RRP15: variants seen among roughly 807,000 people sequenced by gnomAD.
RRP15 encodes ribosomal RNA processing 15 homolog.
In RRP15, 18 loss-of-function variants were observed where a neutral mutation model predicts 27.1. That is an observed-to-expected ratio of 0.66 (90% confidence interval 0.46 to 0.98). The LOEUF is 0.98. Among genes scored for constraint, RRP15 ranks in the 50% least tolerant of loss-of-function variants. RRP15 has a pLI of 0.00. For synonymous variants in RRP15, 107 were observed against 109.4 expected (o/e 0.98, Z 0.14); for missense variants, 359 against 337.8 (o/e 1.06, Z -0.49).
intron 1 of RRP15, among the ~76,000 whole-genome samples, chr1:218,297,437 G>A (rs1655738487): frequency 6.6e-6 from 1 of 152,102 alleles, no homozygotes; most frequent in Non-Finnish European, 1.5e-5. Flanking sequence ...GCTTACTAAG[G>A]GGTAGGCACT....
At chr1:218,310,336 T>C (rs11118076) in intron 4 of RRP15, among the ~76,000 whole-genome samples, 4,467 of 151,464 alleles carry the variant, frequency 0.029, 88 homozygotes, top group East Asian at 0.073. Flanking sequence ...CACCCACATA[T>C]AAACTAGATT....
At chr1:218,304,504 G>A (rs892930740) in intron 2 of RRP15, among the ~76,000 whole-genome samples, 26 of 152,192 alleles carry the variant, frequency 1.7e-4, no homozygotes, top group African/African-American at 5.3e-4. Flanking sequence ...GATATGCTAC[G>A]AGAGGAGAAA....
At chr1:218,312,735 C>T (rs1476322015) in intron 4 of RRP15, among the ~76,000 whole-genome samples, 2 of 152,026 alleles carry the variant, frequency 1.3e-5, no homozygotes, top group Non-Finnish European at 1.5e-5. Flanking sequence ...AAATGTGACT[C>T]AGGAGGAAAG....
At chr1:218,307,681 A>C (rs1335706561) in intron 4 of RRP15, 49 bp downstream of exon 4, 1 of 1,271,524 alleles carries the variant, frequency 7.9e-7, no homozygotes, top group Non-Finnish European at 1.1e-6. Context: ...CAGCTCTAAA[A>C]CTAGTCTTGA....
intron 4 of RRP15, among the ~76,000 whole-genome samples, chr1:218,328,525 T>C (rs1656312210): frequency 1.3e-5 from 2 of 152,054 alleles, no homozygotes; most frequent in Non-Finnish European, 2.9e-5. Flanking sequence ...AAGCCAGGCA[T>C]GGTGGCAGGT....
intron 1 of RRP15, among the ~76,000 whole-genome samples, chr1:218,287,216 A>G (rs1655563135): frequency 6.6e-6 from 1 of 150,750 alleles, no homozygotes; most frequent in African/African-American, 2.4e-5. Context: ...CCTAGGTTCA[A>G]GTGATCCACC....
intron 4 of RRP15, among the ~76,000 whole-genome samples, chr1:218,326,744 A>G (rs931315807): frequency 2.0e-5 from 3 of 152,160 alleles, no homozygotes; most frequent in Non-Finnish European, 2.9e-5. Context: ...TGTGTGTGTA[A>G]CTTAATCCCA....
chr1:218,329,525 A>G (rs1346005011), intron 4 of RRP15, among the ~76,000 whole-genome samples: 1 of 152,228 alleles, frequency 6.6e-6, no homozygotes, highest in Non-Finnish European at 1.5e-5. Flanking sequence ...AATATACTCC[A>G]GTTATCTTCC....
chr1:218,309,103 C>CT (rs1474449645), intron 4 of RRP15, among the ~76,000 whole-genome samples: 2 of 152,146 alleles, frequency 1.3e-5, no homozygotes, highest in Non-Finnish European at 2.9e-5. Flanking sequence ...CCTTGACTTT[C>CT]TTTTTTTCTA....
chr1:218,307,147 G>A (rs576186751), intron 3 of RRP15, among the ~76,000 whole-genome samples: 2 of 152,290 alleles, frequency 1.3e-5, no homozygotes, highest in East Asian at 3.9e-4. Context: ...ATTTACAGAT[G>A]AAATTGAGAT....
At position 218,337,019 on chromosome 1, in the gene RRP15, C is replaced by T. The variant is rs1428960179; in HGVS notation, c.*5928C>T. On this transcript the variant is annotated 3_prime_UTR_variant, in exon 5 of 5. Transcript: ENST00000366932. ...TGAGTTCAGAGTTCAGTTTTGAGTC[C>T]TACTAGTTTTGTTTCCTTGTGTAAG... is the stretch of plus-strand genomic sequence containing the variant. 2 of 152,138 alleles carry T rather than the reference C, an allele frequency of 1.3e-5. No homozygotes were observed. Among genetic ancestry groups the T allele is most frequent in the African/African-American group, 4.8e-5 (2 of 41,432 alleles). 9.4% of individuals were successfully genotyped at this position (152,138 alleles called of 1,614,324 possible).
intron 1 of RRP15, among the ~76,000 whole-genome samples, chr1:218,298,907 A>G (rs1033184354): frequency 6.6e-5 from 10 of 152,256 alleles, no homozygotes; most frequent in African/African-American, 2.4e-4. Context: ...CCAGATTTTT[A>G]TAGTAGAATG....
chr1:218,322,482 CTT>C (rs1193844505), intron 4 of RRP15, among the ~76,000 whole-genome samples: 1 of 148,840 alleles, frequency 6.7e-6, no homozygotes, highest in Admixed American at 6.7e-5. Context: ...GCTTGGGAAA[CTT>C]AGGATTTGTG....
rs986595187 is a variant in RRP15 at position 218,336,954 on chromosome 1, C to T, written c.*5863C>T. The T allele has an allele frequency of 1.4e-4, 22 of 152,220 alleles. No homozygotes were observed. Among genetic ancestry groups the T allele is most frequent in the Admixed American group, 3.9e-4 (6 of 15,280 alleles). 9.4% of individuals were successfully genotyped at this position (152,220 alleles called of 1,614,324 possible). A position where few individuals can be genotyped will look rare whatever the true frequency, so the allele number is the denominator to read the frequency against. ...GGACATTTTAAGAAATACCAGTGTT[C>T]GTTGTTAGATGAGAGACAGCATAAT... On this transcript the variant is annotated 3_prime_UTR_variant, in exon 5 of 5. Transcript: ENST00000366932.
intron 2 of RRP15, 34 bp from the exon 3 acceptor site, chr1:218,304,994 A>G (rs2102499885): frequency 4.5e-6 from 7 of 1,561,986 alleles, no homozygotes; most frequent in Non-Finnish European, 6.2e-6. Context: ...AGAAATATCT[A>G]ATATTCTTTC....
intron 4 of RRP15, among the ~76,000 whole-genome samples, chr1:218,317,587 ATTAT>A (rs1656109517): frequency 1.3e-5 from 2 of 152,230 alleles, no homozygotes; most frequent in African/African-American, 2.4e-5. Context: ...AACTTAGAAA[ATTAT>A]TTATAAATTC....
chr1:218,315,007 A>G (rs944696395), intron 4 of RRP15, among the ~76,000 whole-genome samples: 1 of 142,124 alleles, frequency 7.0e-6, no homozygotes, highest in Non-Finnish European at 1.5e-5. Context: ...AAAAAAAAAA[A>G]AAGAAAGAAA....
At chr1:218,315,821 C>G (rs1454784053) in intron 4 of RRP15, among the ~76,000 whole-genome samples, 2 of 152,042 alleles carry the variant, frequency 1.3e-5, no homozygotes, top group Admixed American at 1.3e-4. Context: ...AAGATGCTGT[C>G]CTTAGATTGC....
At chr1:218,317,258 G>A (rs1452678383) in intron 4 of RRP15, among the ~76,000 whole-genome samples, 2 of 152,228 alleles carry the variant, frequency 1.3e-5, no homozygotes, top group Non-Finnish European at 2.9e-5. Context: ...GCACTTACTA[G>A]CGTATGCTTT....
Sources: gnomAD v4.1 joint callset for allele counts (sites outside exome capture counted in the v4.1 genomes callset) on GRCh38, gnomAD v4.1.1 for gene constraint, MANE v1.5 for transcripts, NCBI Gene and HGNC (gene_info 2026-07-23, HGNC 2026-07-21) for gene names.